The following SYK variants were observed in gnomAD, a reference collection of about 807,000 sequenced individuals.
SYK encodes spleen associated tyrosine kinase, also known as tyrosine-protein kinase SYK.
Under a neutral mutation model 77.8 loss-of-function variants are expected in SYK, and 16 were observed. The ratio of observed to expected loss-of-function variants is 0.21; its 90% confidence interval spans 0.14 to 0.31. The LOEUF is 0.31. Ranked by LOEUF, SYK falls within the 10% of genes least tolerant of loss-of-function variation. SYK has a pLI of 1.00. For synonymous variants in SYK, 312 were observed against 308.7 expected (o/e 1.01, Z -0.11); for missense variants, 529 against 814.4 (o/e 0.65, Z 4.26).
At position 90,845,530 on chromosome 9, in the gene SYK, A is replaced by G. The variant is rs1248509002; in HGVS notation, c.514A>G (p.Lys172Glu). 1.9e-6 allele frequency: 3 copies of G among 1,614,232 alleles called. No individual in the cohort carries two copies. The African/African-American group carries it at 4.0e-5, about 22-fold the overall frequency. ...AHEKMPWFHG[K>E]ISREESEQIV... ...TGAAAAAATGCCTTGGTTCCATGGA[A>G]AAATCTCTCGGGAAGAATCTGAGCA... The change falls in exon 3 of 14, where the codon AAA (lysine) becomes GAA (glutamate). Residue 172 changes from lysine to glutamate, a missense_variant. By Grantham distance (56) the Lys-to-Glu change is moderately conservative (BLOSUM62 1). Around this residue, in one of 2 missense-constraint regions of SYK, gnomAD observed 321 missense variants for 433.1 expected, o/e 0.74. Transcript: ENST00000375754.
chr9:90,888,725 A>T (rs1438185795), intron 13 of SYK, 98 bp downstream of exon 13: 1 of 956,196 alleles, frequency 1.0e-6, no homozygotes, highest in African/African-American at 1.7e-5. Context: ...CCTTTTCATG[A>T]ATCAGGAATG....
At chr9:90,881,757 G>A (rs908339995) in intron 11 of SYK, among the ~76,000 whole-genome samples, 6 of 151,748 alleles carry the variant, frequency 4.0e-5, no homozygotes, top group Admixed American at 1.3e-4. Flanking sequence ...GCTGGCACTC[G>A]GGAAACCATG....
intron 4 of SYK, among the ~76,000 whole-genome samples, chr9:90,864,319 C>T (rs1004554069): frequency 2.0e-5 from 3 of 152,154 alleles, no homozygotes; most frequent in Non-Finnish European, 2.9e-5. Flanking sequence ...AAACAAAGGA[C>T]ACAGATACGG....
At chr9:90,884,346 TACACATACGTGTATACATACATAC>T (rs1229451076) in intron 11 of SYK, among the ~76,000 whole-genome samples, 2 of 119,414 alleles carry the variant, frequency 1.7e-5, no homozygotes, top group African/African-American at 6.7e-5. Context: ...TATACACACA[TACACATACGTGTATACATACATAC>T]ACACATACGT....
At chr9:90,828,229 A>ACCCC (rs1392694626) in intron 1 of SYK, among the ~76,000 whole-genome samples, 45 of 25,598 alleles carry the variant, frequency 1.8e-3, no homozygotes, top group African/African-American at 2.4e-3. Context: ...CTGTGGCCTC[A>ACCCC]CCCCCGCCCC....
At chr9:90,841,966 A>C (rs111063816) in intron 1 of SYK, among the ~76,000 whole-genome samples, 3,670 of 82,666 alleles carry the variant, frequency 0.044, 171 homozygotes, top group East Asian at 0.27. Context: ...AGTGTGTTGT[A>C]TGTGGAGTGT....
chr9:90,852,386 A>G (rs2118705707), intron 3 of SYK, among the ~76,000 whole-genome samples: 1 of 152,298 alleles, frequency 6.6e-6, no homozygotes, highest in South Asian at 2.1e-4. Context: ...GTTTATTGCC[A>G]TTGTGCACAG....
At chr9:90,823,699 A>G in intron 1 of SYK, among the ~76,000 whole-genome samples, 1 of 152,180 alleles carries the variant, frequency 6.6e-6, no homozygotes, top group Admixed American at 6.5e-5. Context: ...TTTGAAGTGC[A>G]TAAAAATAAA....
At position 90,884,524 on chromosome 9, in the gene SYK, CAT is replaced by C. The variant is rs746002553; in HGVS notation, c.1582-3222_1582-3221del. 4.3e-5 allele frequency among the ~76,000 whole-genome samples: 5 copies of C among 115,184 alleles called. 1 individual carries two copies. Among genetic ancestry groups the C allele is most frequent in the Non-Finnish European group, 7.3e-5 (4 of 54,738 alleles). The allele number at this position is 115,184 out of a possible 152,430, so 75.6% of individuals were successfully genotyped here. On this transcript the variant is annotated intron_variant, in intron 11 of 13. Coordinates refer to ENST00000375754, the MANE Select transcript of SYK (RefSeq NM_003177.7). Reference sequence around the variant, plus strand: ...GTACATGTACATACATACACATACACATATGTGTACATGTACATACATACACA... The same window carrying C: ...GTACATGTACATACATACACATACACATGTGTACATGTACATACATACACA...
intron 3 of SYK, 43 bp downstream of exon 3, chr9:90,845,637 G>A (rs776188580): frequency 1.3e-6 from 2 of 1,598,958 alleles, no homozygotes; most frequent in African/African-American, 2.7e-5. Flanking sequence ...CACCAGGCCT[G>A]TGTGGACAAT....
intron 4 of SYK, among the ~76,000 whole-genome samples, chr9:90,864,105 T>C (rs1409414702): frequency 2.6e-5 from 4 of 152,224 alleles, no homozygotes; most frequent in African/African-American, 7.2e-5. Context: ...AAGGTACTTC[T>C]GTACCCTACC....
Position 90,843,993 on chromosome 9 carries a change from G to A in SYK, c.95G>A (p.Gly32Glu). Residue 32 changes from glycine (G) to glutamate (E), a missense_variant, in exon 2 of 14, where the codon GGG (glycine) becomes GAG (glutamate). By Grantham distance (98) the Gly-to-Glu change is moderately conservative. Transcript: ENST00000375754. ...REEAEDYLVQ[G>E]GMSDGLYLLR... The stretch of plus-strand genomic sequence containing the variant: ...GAGGCAGAAGATTACCTGGTCCAGG[G>A]GGGCATGAGTGATGGGCTTTATTTG... 1 of 1,610,376 alleles carries A rather than the reference G, an allele frequency of 6.2e-7. No individual in the cohort carries two copies. Among genetic ancestry groups the A allele is most frequent in the South Asian group, 1.1e-5 (1 of 90,444 alleles).
chr9:90,866,712 A>G (rs1827511953), intron 6 of SYK, among the ~76,000 whole-genome samples: 1 of 152,240 alleles, frequency 6.6e-6, no homozygotes, highest in Non-Finnish European at 1.5e-5. Context: ...CATACGCCCT[A>G]TGTGTACAAC....
intron 1 of SYK, among the ~76,000 whole-genome samples, chr9:90,839,722 T>C (rs1459876105): frequency 6.6e-6 from 1 of 152,216 alleles, no homozygotes; most frequent in African/African-American, 2.4e-5. Flanking sequence ...CAGTCTGCTG[T>C]TCTGCAACTA....
chr9:90,898,152 A>C lies in SYK; in HGVS notation c.*2552A>C. ...CAGGTAACAAAGGAGCATCAGGGGC[A>C]GGCTGCCCTGGTGGCATCACACTGG... On this transcript the variant is annotated 3_prime_UTR_variant, in exon 14 of 14. Transcript: ENST00000375754. 1 of 230,306 alleles carries C rather than the reference A, an allele frequency of 4.3e-6. No homozygotes were observed. Among genetic ancestry groups the C allele is most frequent in the Non-Finnish European group, 8.6e-6 (1 of 116,194 alleles). 14.3% of individuals were successfully genotyped at this position (230,306 alleles called of 1,614,324 possible). A position where few individuals can be genotyped will look rare whatever the true frequency, so the allele number is the denominator to read the frequency against.
In SYK at chr9:90,888,476, T is replaced by TAAA. The variant is rs199586721; in HGVS notation, c.1723-29_1723-27dup. 12 of 1,117,602 alleles carry TAAA rather than the reference T, an allele frequency of 1.1e-5. No individual in the cohort carries two copies. In the African/African-American group the frequency reaches 1.2e-4, roughly 11 times the overall value. 69.2% of individuals were successfully genotyped at this position (1,117,602 alleles called of 1,614,324 possible). ...TTTTGTTTTGTTTGACTAACACCTT[T>TAAA]AAAAAAAAAAAAGCTTATGCATATC... On this transcript the variant is annotated intron_variant, in intron 12 of 13. Transcript: ENST00000375754.
chr9:90,826,736 G>C (rs1466063626), intron 1 of SYK, among the ~76,000 whole-genome samples: 1 of 152,200 alleles, frequency 6.6e-6, no homozygotes, highest in Non-Finnish European at 1.5e-5. Context: ...ACAGACTGCA[G>C]TGGGAAATTA....
Position 90,897,168 on chromosome 9 carries a change from C to T in SYK, c.*1568C>T, listed in dbSNP as rs192548937. 2.8e-4 allele frequency: 65 copies of T among 231,464 alleles called. No individual in the cohort carries two copies. The highest frequency in any genetic ancestry group is 2.9e-4 in the Non-Finnish European group (34 of 116,902). 14.3% of individuals were successfully genotyped at this position (231,464 alleles called of 1,614,324 possible). On this transcript the variant is annotated 3_prime_UTR_variant, in exon 14 of 14. Coordinates refer to ENST00000375754, the MANE Select transcript of SYK (RefSeq NM_003177.7). The stretch of plus-strand genomic sequence containing the variant: ...GCATGGACAGCCATGGACAGCAGGC[C>T]CTCCTCTAACAGGGGATGCAAGGCA...
chr9:90,804,351 G>T (rs1824733752), intron 1 of SYK, among the ~76,000 whole-genome samples: 1 of 152,134 alleles, frequency 6.6e-6, no homozygotes, highest in Non-Finnish European at 1.5e-5. Context: ...TTACAGGAGG[G>T]GTTACTGTCA....
Sources: gnomAD v4.1 joint callset for allele counts (sites outside exome capture counted in the v4.1 genomes callset) on GRCh38, gnomAD v4.1.1 for gene constraint, gnomAD v4.1.1 regional missense constraint, MANE v1.5 for transcripts, NCBI Gene and HGNC (gene_info 2026-07-23, HGNC 2026-07-21) for gene names.